Variants in MRPL3 observed in about 807,000 individuals in gnomAD.
MRPL3 encodes large ribosomal subunit protein uL3m.
MRPL3 carries 43 observed loss-of-function variants against 44.3 expected under a neutral mutation model. The ratio of observed to expected loss-of-function variants is 0.97; its 90% CI spans 0.76 to 1.25. The LOEUF (loss-of-function observed/expected upper bound fraction) is 1.25, where lower values mean the gene tolerates loss of function less well. Ranked by LOEUF, MRPL3 falls within the 50% of genes most tolerant of loss-of-function variation. MRPL3 has a pLI of 0.00. For missense variants in MRPL3, 406 were observed against 427.6 expected (o/e 0.95, Z 0.45); for synonymous variants, 171 against 152.3 (o/e 1.12, Z -0.91).
intron 6 of MRPL3, among the ~76,000 whole-genome samples, chr3:131,485,075 A>T (rs762928744): frequency 1.3e-5 from 2 of 152,204 alleles, no homozygotes; most frequent in Non-Finnish European, 2.9e-5. Context: ...AACTCTTACC[A>T]GCTATTTAAT....
intron 8 of MRPL3, 27 bp from the exon 9 acceptor site, chr3:131,468,195 T>G (rs1312605012): frequency 7.3e-7 from 1 of 1,369,442 alleles, no homozygotes; most frequent in African/African-American, 1.5e-5. Context: ...AACCAAAAAT[T>G]TTAGGATATA....
At chr3:131,466,431 T>C (rs992229197) in intron 9 of MRPL3, among the ~76,000 whole-genome samples, 1 of 152,176 alleles carries the variant, frequency 6.6e-6, no homozygotes, top group Admixed American at 6.6e-5. Context: ...ATATTTATTT[T>C]CTATTTTATG....
intron 6 of MRPL3, among the ~76,000 whole-genome samples, chr3:131,473,723 C>A (rs1933790708): frequency 6.6e-6 from 1 of 151,458 alleles, no homozygotes. Context: ...AAAAAAAAAC[C>A]CCAAGTAATC....
chr3:131,477,263 T>C (rs1933873598), intron 6 of MRPL3, among the ~76,000 whole-genome samples: 1 of 152,220 alleles, frequency 6.6e-6, no homozygotes, highest in African/African-American at 2.4e-5. Flanking sequence ...ATCCATTCTG[T>C]GTCCTCTGAG....
intron 6 of MRPL3, among the ~76,000 whole-genome samples, chr3:131,481,826 G>A (rs1275660918): frequency 6.6e-6 from 1 of 152,152 alleles, no homozygotes; most frequent in Non-Finnish European, 1.5e-5. Flanking sequence ...GTACTGCTTT[G>A]AATACCCAGT....
chr3:131,490,691 T>C (rs1403121110), intron 4 of MRPL3, among the ~76,000 whole-genome samples: 1 of 152,220 alleles, frequency 6.6e-6, no homozygotes, highest in Non-Finnish European at 1.5e-5. Flanking sequence ...TTTTACCAAA[T>C]TGTCTATACC....
chr3:131,471,391 T>C (rs577023187), intron 6 of MRPL3, 112 bp from the exon 7 acceptor site: 1 of 729,792 alleles, frequency 1.4e-6, no homozygotes, highest in Non-Finnish European at 2.3e-6. Flanking sequence ...TAACAAAGCT[T>C]CTTATTTAAA....
Position 131,501,633 on chromosome 3 carries a change from G to A in MRPL3, c.175C>T (p.Pro59Ser). The change falls in exon 2 of 10, where the codon CCA becomes TCA. Residue 59 changes from proline to serine, a missense_variant. Transcript: ENST00000264995. ...TCAGAGACCAACTGCTTAATGAATG[G>A]GACATTTTCTTCAGAAAGATGCTCA... ...WDEHLSEENV[P>S]FIKQLVSDED... 6.2e-7 allele frequency: 1 copy of A among 1,612,978 alleles called. No individual in the cohort carries two copies. The highest frequency in any genetic ancestry group is 2.2e-5 in the East Asian group (1 of 44,854).
At chr3:131,497,972 A>C in intron 4 of MRPL3, 1 of 563,966 alleles carries the variant, frequency 1.8e-6, no homozygotes, top group Non-Finnish European at 3.1e-6. Flanking sequence ...TACTTGTTCC[A>C]GATACAGGGA....
chr3:131,489,932 T>C (rs779247614), intron 5 of MRPL3, 49 bp downstream of exon 5: 2 of 1,139,454 alleles, frequency 1.8e-6, no homozygotes, highest in Non-Finnish European at 2.6e-6. Flanking sequence ...TTAAACAAAT[T>C]GCATATTTGG....
chr3:131,500,329 T>C, intron 3 of MRPL3, 101 bp downstream of exon 3: 2 of 914,550 alleles, frequency 2.2e-6, no homozygotes, highest in Non-Finnish European at 3.5e-6. Context: ...TTCTTCACCA[T>C]ACAGTTCCAT....
chr3:131,480,674 T>C (rs559733806), intron 6 of MRPL3, among the ~76,000 whole-genome samples: 4 of 152,310 alleles, frequency 2.6e-5, no homozygotes, highest in African/African-American at 9.6e-5. Flanking sequence ...CACTCTGTTC[T>C]TCTCAAAAAA....
chr3:131,489,386 A>G (rs1299750180), intron 5 of MRPL3, among the ~76,000 whole-genome samples: 2 of 152,120 alleles, frequency 1.3e-5, no homozygotes, highest in Non-Finnish European at 2.9e-5. Flanking sequence ...CCGATATTAA[A>G]TACCAAATCT....
At chr3:131,489,019 A>T (rs1217539018) in intron 5 of MRPL3, among the ~76,000 whole-genome samples, 2 of 152,132 alleles carry the variant, frequency 1.3e-5, no homozygotes, top group Non-Finnish European at 2.9e-5. Context: ...GAGCTACAGC[A>T]AAAGTTAATG....
intron 6 of MRPL3, among the ~76,000 whole-genome samples, chr3:131,478,636 T>G (rs1384407066): frequency 1.3e-5 from 2 of 152,042 alleles, no homozygotes; most frequent in African/African-American, 4.8e-5. Context: ...CTACATTGTC[T>G]ATCTTCCCAC....
chr3:131,500,337 C>A (rs1488091051), intron 3 of MRPL3, 93 bp downstream of exon 3: 11 of 985,568 alleles, frequency 1.1e-5, no homozygotes, highest in Admixed American at 1.8e-5. Context: ...CATACAGTTC[C>A]ATGTTTCAGG....
chr3:131,481,115 G>A (rs1933975931), intron 6 of MRPL3, among the ~76,000 whole-genome samples: 1 of 152,082 alleles, frequency 6.6e-6, no homozygotes, highest in African/African-American at 2.4e-5. Context: ...CATTTCAAGG[G>A]CATCCTCATT....
chr3:131,476,411 C>T (rs866087056), intron 6 of MRPL3, among the ~76,000 whole-genome samples: 1 of 152,106 alleles, frequency 6.6e-6, no homozygotes, highest in African/African-American at 2.4e-5. Context: ...ATGAACTAAT[C>T]TATACTTAGT....
chr3:131,468,241 G>A, intron 8 of MRPL3, 73 bp from the exon 9 acceptor site: 1 of 823,482 alleles, frequency 1.2e-6, no homozygotes, highest in Non-Finnish European at 1.9e-6. Flanking sequence ...AGCTGAGGAT[G>A]TAAGTTGCTT....
Sources: gnomAD v4.1 joint callset for allele counts (sites outside exome capture counted in the v4.1 genomes callset) on GRCh38, gnomAD v4.1.1 for gene constraint, MANE v1.5 for transcripts, NCBI Gene and HGNC (gene_info 2026-07-23, HGNC 2026-07-21) for gene names.